The following ROCK2 variants were observed in gnomAD, a reference collection of about 807,000 sequenced individuals.
ROCK2 encodes Rho associated coiled-coil containing protein kinase 2.
ROCK2 carries 61 observed loss-of-function variants against 195.1 expected under a neutral mutation model. That is an observed-to-expected ratio of 0.31 (90% confidence interval 0.25 to 0.39). The LOEUF is 0.39. ROCK2 is among the 10% of genes least tolerant of loss of function. The pLI, the probability that ROCK2 is intolerant of heterozygous loss-of-function variation, is 1.00. For missense variants in ROCK2, 1,109 were observed against 1,637.4 expected (o/e 0.68, Z 5.57); for synonymous variants, 504 against 545.5 (o/e 0.92, Z 1.06).
chr2:11,260,835 G>A (rs1666201782), intron 3 of ROCK2, among the ~76,000 whole-genome samples: 1 of 152,106 alleles, frequency 6.6e-6, no homozygotes, highest in African/African-American at 2.4e-5. Flanking sequence ...CACAAGATAG[G>A]CATAAGATGG....
intron 3 of ROCK2, among the ~76,000 whole-genome samples, chr2:11,278,912 C>T (rs1666913141): frequency 6.6e-6 from 1 of 151,966 alleles, no homozygotes; most frequent in Non-Finnish European, 1.5e-5. Context: ...CCGTGCCCAG[C>T]TGGTGGTTTT....
intron 12 of ROCK2, 53 bp from the exon 13 acceptor site, chr2:11,216,259 T>C (rs1251926034): frequency 1.1e-5 from 14 of 1,259,598 alleles, no homozygotes; most frequent in African/African-American, 3.0e-5. Context: ...CAATAAAACA[T>C]AGTCTATAAA....
rs1341685809 is a variant in ROCK2 at position 11,179,992 on chromosome 2, G to C, written c.*3445C>G. 3 of 150,174 alleles carry C rather than the reference G, an allele frequency of 2.0e-5. No homozygotes were observed. The highest frequency in any genetic ancestry group is 3.9e-4 in the East Asian group (2 of 5,130). 9.3% of individuals were successfully genotyped at this position (150,174 alleles called of 1,614,324 possible). ...TTATGGGGATGGGAGTCAGGGAGAG[G>C]CCCCCCCCCAAGCATGATATCCAGC... On this transcript the variant is annotated 3_prime_UTR_variant, in exon 33 of 33. Coordinates refer to ENST00000315872, the MANE Select transcript of ROCK2 (RefSeq NM_004850.5).
At chr2:11,276,944 A>G (rs1666847105) in intron 3 of ROCK2, among the ~76,000 whole-genome samples, 1 of 152,136 alleles carries the variant, frequency 6.6e-6, no homozygotes, top group East Asian at 1.9e-4. Flanking sequence ...AACTGTGAGT[A>G]TATTTCTTTT....
At chr2:11,255,216 C>CAAAAAA (rs70953375) in intron 3 of ROCK2, among the ~76,000 whole-genome samples, 5 of 109,176 alleles carry the variant, frequency 4.6e-5, no homozygotes, top group African/African-American at 8.5e-5. Context: ...GACCCCATCT[C>CAAAAAA]AAAAAAAAAA....
At chr2:11,293,138 T>C (rs1314337653) in intron 1 of ROCK2, among the ~76,000 whole-genome samples, 1 of 152,166 alleles carries the variant, frequency 6.6e-6, no homozygotes, top group African/African-American at 2.4e-5. Context: ...ATGTGTTTTA[T>C]AAAGAGATAA....
At chr2:11,305,960 C>G (rs1413634204) in intron 1 of ROCK2, among the ~76,000 whole-genome samples, 2 of 152,068 alleles carry the variant, frequency 1.3e-5, no homozygotes, top group African/African-American at 2.4e-5. Context: ...GAAAGGGCTC[C>G]CAGTGGCAAA....
At chr2:11,193,234 C>G (rs945179028) in intron 30 of ROCK2, among the ~76,000 whole-genome samples, 2 of 152,090 alleles carry the variant, frequency 1.3e-5, no homozygotes, top group African/African-American at 4.8e-5. Context: ...ACATGACAAG[C>G]ATCCAGAAAA....
At chr2:11,194,695 G>A (rs1025137218) in intron 28 of ROCK2, among the ~76,000 whole-genome samples, 2 of 151,982 alleles carry the variant, frequency 1.3e-5, no homozygotes, top group Non-Finnish European at 1.5e-5. Flanking sequence ...TATATTCACA[G>A]TTCTTTTCCC....
chr2:11,232,497 A>G (rs1042529882), intron 5 of ROCK2, among the ~76,000 whole-genome samples: 1 of 152,228 alleles, frequency 6.6e-6, no homozygotes, highest in Non-Finnish European at 1.5e-5. Context: ...TGAAGTGTTG[A>G]GCCTTAAACT....
At chr2:11,317,608 A>ATTTTTTT (rs1210144997) in intron 1 of ROCK2, among the ~76,000 whole-genome samples, 4 of 15,940 alleles carry the variant, frequency 2.5e-4, no homozygotes, top group East Asian at 0.011. Context: ...ATATATATAT[A>ATTTTTTT]TATATTTTTT....
At chr2:11,318,353 C>T (rs1268195747) in intron 1 of ROCK2, among the ~76,000 whole-genome samples, 1 of 152,202 alleles carries the variant, frequency 6.6e-6, no homozygotes, top group Non-Finnish European at 1.5e-5. Context: ...TTGCATTTCT[C>T]TGATGGCCAG....
At chr2:11,263,878 T>C (rs936091269) in intron 3 of ROCK2, among the ~76,000 whole-genome samples, 2 of 150,690 alleles carry the variant, frequency 1.3e-5, no homozygotes, top group African/African-American at 4.9e-5. Context: ...ATATATTTTA[T>C]AAGGTCACCT....
chr2:11,223,023 C>G (rs1664690128), intron 7 of ROCK2, among the ~76,000 whole-genome samples: 1 of 152,124 alleles, frequency 6.6e-6, no homozygotes, highest in Admixed American at 6.5e-5. Context: ...ATGGCCATCC[C>G]TACCAATCCT....
rs763949139 is a variant in ROCK2 at position 11,207,811 on chromosome 2, T to C, written c.2464A>G (p.Met822Val). 22 of 1,612,892 alleles carry C rather than the reference T, an allele frequency of 1.4e-5. 1 individual carries two copies. The South Asian group carries it at 2.4e-4, about 18-fold the overall frequency. Reference sequence around the variant, plus strand: ...TCTTGCTTTAACTGCTTTTCTGACATTTTTAGTGTGTTAACCTGTTGTGTT... The same window carrying C: ...TCTTGCTTTAACTGCTTTTCTGACACTTTTAGTGTGTTAACCTGTTGTGTT... ...MQTQQVNTLKMSEKQLKQENN... is the reference protein window; with the variant it reads ...MQTQQVNTLKVSEKQLKQENN... The change falls in exon 20 of 33, where the codon ATG (methionine) becomes GTG (valine). Residue 822 changes from methionine (M) to valine (V), a missense_variant. By Grantham distance (21) the Met-to-Val change is conservative. Coordinates refer to ENST00000315872, the MANE Select transcript of ROCK2 (RefSeq NM_004850.5).
At chr2:11,291,672 A>G (rs1667367571) in intron 1 of ROCK2, among the ~76,000 whole-genome samples, 1 of 152,242 alleles carries the variant, frequency 6.6e-6, no homozygotes, top group Non-Finnish European at 1.5e-5. Context: ...TATGATGGAG[A>G]TACCCTCTTA....
chr2:11,183,567 A>G, intron 32 of ROCK2, 127 bp from the exon 33 acceptor site: 2 of 634,890 alleles, frequency 3.2e-6, no homozygotes, highest in Non-Finnish European at 5.3e-6. Context: ...ATTTTTTAAC[A>G]CTAAAATCAT....
At chr2:11,288,111 T>A (rs1212457994) in intron 1 of ROCK2, among the ~76,000 whole-genome samples, 1 of 152,212 alleles carries the variant, frequency 6.6e-6, no homozygotes, top group African/African-American at 2.4e-5. Context: ...CCTGCATTAA[T>A]GTTGTGCCTA....
chr2:11,195,232 T>A, intron 27 of ROCK2: 1 of 331,354 alleles, frequency 3.0e-6, no homozygotes, highest in Non-Finnish European at 5.4e-6. Flanking sequence ...TTATATCATA[T>A]TGGAAACAGA....
Sources: gnomAD v4.1 joint callset for allele counts (sites outside exome capture counted in the v4.1 genomes callset) on GRCh38, gnomAD v4.1.1 for gene constraint, MANE v1.5 for transcripts, NCBI Gene and HGNC (gene_info 2026-07-23, HGNC 2026-07-21) for gene names.